The following SULT6B1 variants were observed in gnomAD, a reference collection of about 807,000 sequenced individuals.
SULT6B1 encodes the protein sulfotransferase family 6B member 1.
SULT6B1 carries 44 observed loss-of-function variants against 37.2 expected under a neutral mutation model. That is an observed-to-expected ratio of 1.18 (90% CI 0.93 to 1.52). The LOEUF (loss-of-function observed/expected upper bound fraction) is 1.52, where lower values mean the gene tolerates loss of function less well. Among genes scored for constraint, SULT6B1 ranks in the 40% most tolerant of loss-of-function variants. The probability of loss-of-function intolerance (pLI) is 0.00; values close to 1 mark genes in which losing one functional copy is unlikely to be tolerated. For synonymous variants in SULT6B1, 140 were observed against 126.0 expected (o/e 1.11, Z -0.74); for missense variants, 450 against 361.0 (o/e 1.25, Z -2.00).
upstream of SULT6B1, among the ~76,000 whole-genome samples, chr2:37,190,447 T>A (rs577536726): frequency 3.7e-4 from 56 of 152,352 alleles, no homozygotes; most frequent in African/African-American, 1.3e-3. Flanking sequence ...ATTGAGTACT[T>A]GCATGTACCA....
chr2:37,182,917 C>T (rs192983676), intron 3 of SULT6B1, among the ~76,000 whole-genome samples: 38 of 152,262 alleles, frequency 2.5e-4, no homozygotes, highest in Non-Finnish European at 1.0e-4. Context: ...CATGGTGTCC[C>T]ATGCCTGTAA....
At position 37,188,662 on chromosome 2, in the gene SULT6B1, CT is replaced by C. The variant is rs1676724497; in HGVS notation, c.-23del. The C allele has an allele frequency of 4.5e-6, 4 of 885,694 alleles. No homozygotes were observed. The highest frequency in any genetic ancestry group is 2.3e-4 in the Middle Eastern group (1 of 4,266). 54.9% of individuals were successfully genotyped at this position (885,694 alleles called of 1,614,324 possible). ...CCATGGTGGCTCCCTGTAAAAGAAC[CT>C]GCTCTGTGGCTGTTCAGGGGGAGTG... On this transcript the variant is annotated 5_prime_UTR_variant, in exon 1 of 7. Coordinates refer to ENST00000535679, the MANE Select transcript of SULT6B1 (RefSeq NM_001367551.1).
chr2:37,168,159 TA>T, intron 6 of SULT6B1, 94 bp from the exon 7 acceptor site: 1 of 1,240,960 alleles, frequency 8.1e-7, no homozygotes, highest in Non-Finnish European at 1.1e-6. Flanking sequence ...TCTGATATGT[TA>T]AAATGGACAC....
At chr2:37,178,077 T>A (rs1430080679) in intron 4 of SULT6B1, among the ~76,000 whole-genome samples, 1 of 152,114 alleles carries the variant, frequency 6.6e-6, no homozygotes, top group African/African-American at 2.4e-5. Context: ...AGTTTCTCAC[T>A]CTTGTTGCCC....
upstream of SULT6B1, among the ~76,000 whole-genome samples, chr2:37,193,642 G>GAAGAAGAAGAAGAAGAAT (rs1553345882): frequency 2.0e-5 from 3 of 150,456 alleles, no homozygotes; most frequent in South Asian, 2.1e-4. Flanking sequence ...AGAAGAAGAA[G>GAAGAAGAAGAAGAAGAAT]AAGAAGAAGG....
intron 1 of SULT6B1, chr2:37,194,411 G>T: frequency 2.4e-6 from 1 of 417,018 alleles, no homozygotes; most frequent in South Asian, 1.9e-5. Flanking sequence ...AGTGGTAACA[G>T]GTACATAGGT....
intron 3 of SULT6B1, among the ~76,000 whole-genome samples, chr2:37,181,930 G>A (rs941384087): frequency 6.6e-6 from 1 of 152,202 alleles, no homozygotes; most frequent in Non-Finnish European, 1.5e-5. Flanking sequence ...GGGGATACTG[G>A]AGATCTTTAT....
In SULT6B1 at chr2:37,179,701, A is replaced by G. The variant is rs538920449; in HGVS notation, c.403-117T>C. 14 of 910,478 alleles carry G rather than the reference A, an allele frequency of 1.5e-5. No homozygotes were observed. In the East Asian group the frequency reaches 4.1e-4, roughly 26 times the overall value. The allele number at this position is 910,478 out of a possible 1,614,324, so 56.4% of individuals were successfully genotyped here. A position where few individuals can be genotyped will look rare whatever the true frequency, so the allele number is the denominator to read the frequency against. ...ATATTACATAATTGTGTTAATATAT[A>G]GAGAAAGAATGACAGTAGGAAACTG... On this transcript the variant is annotated intron_variant, in intron 3 of 6. Transcript: ENST00000535679.
intron 3 of SULT6B1, among the ~76,000 whole-genome samples, chr2:37,181,750 A>G (rs1375213777): frequency 1.3e-5 from 2 of 152,180 alleles, no homozygotes; most frequent in East Asian, 3.9e-4. Context: ...TGCGTGCCCC[A>G]AGTCCAACGC....
At chr2:37,177,411 CAAAAAA>C (rs57205863) in intron 4 of SULT6B1, among the ~76,000 whole-genome samples, 70 of 76,298 alleles carry the variant, frequency 9.2e-4, no homozygotes, top group African/African-American at 2.8e-3. Flanking sequence ...AATCTTGTCT[CAAAAAA>C]AAAAAAAAAA....
intron 5 of SULT6B1, among the ~76,000 whole-genome samples, chr2:37,174,301 C>A (rs897200586): frequency 4.6e-5 from 6 of 130,472 alleles, no homozygotes; most frequent in Non-Finnish European, 9.3e-5. Flanking sequence ...GTGGCCTAAT[C>A]ATGGTTCACT....
intron 5 of SULT6B1, among the ~76,000 whole-genome samples, chr2:37,172,596 C>T (rs1676328565): frequency 6.6e-6 from 1 of 151,996 alleles, no homozygotes; most frequent in Admixed American, 6.6e-5. Flanking sequence ...CAACCTCCAC[C>T]TCCAGGGTTC....
At chr2:37,185,394 G>A (rs1442129540) in intron 2 of SULT6B1, among the ~76,000 whole-genome samples, 3 of 152,102 alleles carry the variant, frequency 2.0e-5, no homozygotes, top group Non-Finnish European at 4.4e-5. Flanking sequence ...GTTAAGTGAA[G>A]TTCATTTCAC....
upstream of SULT6B1, among the ~76,000 whole-genome samples, chr2:37,193,642 G>GAAGAAGAAGAAGAAT (rs1553345882): frequency 3.3e-5 from 5 of 150,460 alleles, no homozygotes; most frequent in East Asian, 4.0e-4. Flanking sequence ...AGAAGAAGAA[G>GAAGAAGAAGAAGAAT]AAGAAGAAGG....
intron 1 of SULT6B1, chr2:37,194,425 C>A (rs1676849740): frequency 2.3e-5 from 10 of 432,422 alleles, no homozygotes; most frequent in South Asian, 1.8e-4. Flanking sequence ...CATAGGTAAT[C>A]AAAGTACAGA....
At chr2:37,171,889 G>C (rs531951046) in intron 5 of SULT6B1, among the ~76,000 whole-genome samples, 1 of 151,950 alleles carries the variant, frequency 6.6e-6, no homozygotes, top group Non-Finnish European at 1.5e-5. Flanking sequence ...TTTTATCTAG[G>C]ATGATATCAT....
At chr2:37,172,584 T>C (rs1676328350) in intron 5 of SULT6B1, among the ~76,000 whole-genome samples, 1 of 152,102 alleles carries the variant, frequency 6.6e-6, no homozygotes, top group Non-Finnish European at 1.5e-5. Flanking sequence ...CTCGGCTCAC[T>C]GCAACCTCCA....
At chr2:37,189,379 C>G (rs1347647863), upstream of SULT6B1, among the ~76,000 whole-genome samples, 1 of 152,170 alleles carries the variant, frequency 6.6e-6, no homozygotes, top group Non-Finnish European at 1.5e-5. Flanking sequence ...AGTTTCAGAG[C>G]AGGAGTGGAA....
chr2:37,193,493 T>A (rs929543457), upstream of SULT6B1, among the ~76,000 whole-genome samples: 3 of 150,946 alleles, frequency 2.0e-5, no homozygotes, highest in African/African-American at 7.3e-5. Context: ...AAAGTTTATT[T>A]CCTTGGCATT....
Sources: gnomAD v4.1 joint callset for allele counts (sites outside exome capture counted in the v4.1 genomes callset) on GRCh38, gnomAD v4.1.1 for gene constraint, MANE v1.5 for transcripts, NCBI Gene and HGNC (gene_info 2026-07-23, HGNC 2026-07-21) for gene names.